RORA: variants seen among roughly 807,000 people sequenced by gnomAD.
RORA encodes RAR related orphan receptor A.
RORA carries 7 observed loss-of-function variants against 69.5 expected under a neutral mutation model. The ratio of observed to expected loss-of-function variants is 0.10; its 90% confidence interval spans 0.06 to 0.19. The LOEUF is 0.19. Ranked by LOEUF, RORA falls within the 10% of genes least tolerant of loss-of-function variation. The probability of loss-of-function intolerance (pLI) is 1.00; values close to 1 mark genes in which losing one functional copy is unlikely to be tolerated. For synonymous variants in RORA, 261 were observed against 240.8 expected, an observed-to-expected ratio of 1.08 and a Z score of -0.78; for missense variants, 457 against 663.0, an observed-to-expected ratio of 0.69 and a Z score of 3.41.
chr15:60,820,031 A>C (rs926479177), intron 1 of RORA, among the ~76,000 whole-genome samples: 1 of 152,162 alleles, frequency 6.6e-6, no homozygotes, highest in East Asian at 1.9e-4. Context: ...TAACATCCCA[A>C]ACTAAAAGTG....
intron 1 of RORA, among the ~76,000 whole-genome samples, chr15:60,785,633 G>C (rs1048766467): frequency 6.6e-6 from 1 of 152,134 alleles, no homozygotes. Flanking sequence ...GCTTCCTCAC[G>C]TTTCAGGGCT....
rs537592571 is a variant in RORA, at chr15:61,056,121, T to C, written c.166+172932A>G. 3.3e-4 allele frequency among the ~76,000 whole-genome samples: 50 copies of C among 152,308 alleles called. No homozygotes were observed. In the South Asian group the frequency reaches 9.5e-3, roughly 29 times the overall value. ...GAGACATATTAAGAATGAAAGCAGA[T>C]TAAAGAAAAGAGCTAATCAAAAAAT... is the stretch of plus-strand genomic sequence containing the variant. On this transcript the variant is annotated intron_variant, in intron 1 of 10. Coordinates refer to ENST00000335670, the MANE Select transcript of RORA (RefSeq NM_134261.3).
At chr15:61,186,949 C>T (rs1372158564) in intron 1 of RORA, among the ~76,000 whole-genome samples, 2 of 152,162 alleles carry the variant, frequency 1.3e-5, no homozygotes, top group African/African-American at 4.8e-5. Context: ...AAATGGCTCC[C>T]AATCTTGGAG....
Position 60,503,735 on chromosome 15 carries a change from G to C in RORA, c.943-68C>G. The C allele has an allele frequency of 2.5e-6, 4 of 1,585,392 alleles. No individual in the cohort carries two copies. In the South Asian group the frequency reaches 4.5e-5, roughly 18 times the overall value. On this transcript the variant is annotated intron_variant, in intron 6 of 10. Transcript: ENST00000335670. ...TAGCTTTTGTAGCAGAAGCTGCAGA[G>C]TTATGAAAGCAAAGCATGCCACTGC... is the stretch of plus-strand genomic sequence containing the variant.
intron 1 of RORA, among the ~76,000 whole-genome samples, chr15:60,742,745 C>T (rs2071591276): frequency 6.6e-6 from 1 of 152,114 alleles, no homozygotes; most frequent in Non-Finnish European, 1.5e-5. Context: ...CTTTCTGTGC[C>T]TAGCTCATTA....
At chr15:60,965,387 G>A (rs1386379462) in intron 1 of RORA, among the ~76,000 whole-genome samples, 1 of 152,142 alleles carries the variant, frequency 6.6e-6, no homozygotes, top group Non-Finnish European at 1.5e-5. Flanking sequence ...TCCTGGTGTT[G>A]TCCCAAGGCC....
intron 1 of RORA, among the ~76,000 whole-genome samples, chr15:60,793,626 G>A (rs2072448874): frequency 6.6e-6 from 1 of 152,216 alleles, no homozygotes; most frequent in East Asian, 1.9e-4. Flanking sequence ...CACTGCACAA[G>A]TCTTGCCTGT....
intron 2 of RORA, among the ~76,000 whole-genome samples, chr15:60,553,850 C>A (rs185168405): frequency 6.6e-6 from 1 of 152,168 alleles, no homozygotes; most frequent in Non-Finnish European, 1.5e-5. Context: ...CCCCTAGAAG[C>A]CTCAAACCAT....
At chr15:60,851,764 G>C (rs566799844) in intron 1 of RORA, among the ~76,000 whole-genome samples, 1 of 150,174 alleles carries the variant, frequency 6.7e-6, no homozygotes, top group South Asian at 2.1e-4. Context: ...GGGTGGGTGA[G>C]AGAGAGAGAG....
intron 1 of RORA, among the ~76,000 whole-genome samples, chr15:60,720,455 C>G (rs543381778): frequency 6.6e-6 from 1 of 152,358 alleles, no homozygotes; most frequent in African/African-American, 2.4e-5. Context: ...CGAACCCAGT[C>G]ACCTTTTATC....
At chr15:60,626,138 T>A (rs2069573010) in intron 2 of RORA, among the ~76,000 whole-genome samples, 1 of 152,138 alleles carries the variant, frequency 6.6e-6, no homozygotes, top group Non-Finnish European at 1.5e-5. Context: ...ACTTCTCTAG[T>A]TCCCCACAGT....
At chr15:60,711,661 G>A (rs549199007) in intron 1 of RORA, among the ~76,000 whole-genome samples, 5 of 152,090 alleles carry the variant, frequency 3.3e-5, no homozygotes, top group Non-Finnish European at 5.9e-5. Context: ...TAATAAATTC[G>A]ATTGCATCTA....
At chr15:60,804,680 C>T (rs539081589) in intron 1 of RORA, among the ~76,000 whole-genome samples, 31 of 152,144 alleles carry the variant, frequency 2.0e-4, no homozygotes, top group Admixed American at 1.5e-3. Flanking sequence ...TTTCCACAAA[C>T]GAGGGGTGTG....
intron 2 of RORA, among the ~76,000 whole-genome samples, chr15:60,669,706 G>A (rs956775697): frequency 5.9e-5 from 9 of 152,150 alleles, no homozygotes; most frequent in Non-Finnish European, 8.8e-5. Context: ...AGCAAGCTCA[G>A]CTCACCACAC....
intron 3 of RORA, 94 bp from the exon 4 acceptor site, chr15:60,514,851 T>TA: frequency 2.3e-6 from 2 of 882,642 alleles, no homozygotes; most frequent in Non-Finnish European, 3.5e-6. Flanking sequence ...GGCATTAATA[T>TA]TTAATGGAGA....
intron 1 of RORA, among the ~76,000 whole-genome samples, chr15:61,133,701 C>T (rs1359576228): frequency 6.6e-6 from 1 of 152,178 alleles, no homozygotes; most frequent in East Asian, 1.9e-4. Context: ...CTGTTCTCCT[C>T]CAACCTGAGA....
chr15:61,058,895 C>T (rs564245625), intron 1 of RORA, among the ~76,000 whole-genome samples: 10 of 152,126 alleles, frequency 6.6e-5, no homozygotes, highest in Non-Finnish European at 8.8e-5. Flanking sequence ...ACCTGTTGTA[C>T]GAGGCAGGTT....
chr15:60,912,794 C>T (rs1241703792), intron 1 of RORA, among the ~76,000 whole-genome samples: 1 of 151,420 alleles, frequency 6.6e-6, no homozygotes, highest in African/African-American at 2.4e-5. Flanking sequence ...CAAAACACAA[C>T]AAAAAAAATC....
chr15:60,931,460 A>G (rs930453091), intron 1 of RORA, among the ~76,000 whole-genome samples: 6 of 152,238 alleles, frequency 3.9e-5, no homozygotes, highest in African/African-American at 1.2e-4. Flanking sequence ...CAGCTTCCAG[A>G]GCTAAGCCCT....
Sources: gnomAD v4.1 joint callset for allele counts (sites outside exome capture counted in the v4.1 genomes callset) on GRCh38, gnomAD v4.1.1 for gene constraint, MANE v1.5 for transcripts, NCBI Gene and HGNC (gene_info 2026-07-23, HGNC 2026-07-21) for gene names.